Variants in CADM2 observed in about 807,000 individuals in gnomAD.
CADM2 encodes the protein cell adhesion molecule 2.
A neutral mutation model predicts 49.8 loss-of-function variants in CADM2; 12 were observed. The ratio of observed to expected loss-of-function variants is 0.24; its 90% CI spans 0.15 to 0.39. The LOEUF (loss-of-function observed/expected upper bound fraction) is 0.39, where lower values mean the gene tolerates loss of function less well. Ranked by LOEUF, CADM2 falls within the 10% of genes least tolerant of loss-of-function variation. The pLI, the probability that CADM2 is intolerant of heterozygous loss-of-function variation, is 1.00. For synonymous variants in CADM2, 214 were observed against 175.4 expected, an observed-to-expected ratio of 1.22 and a Z score of -1.74; for missense variants, 378 against 492.3, an observed-to-expected ratio of 0.77 and a Z score of 2.20.
intron 1 of CADM2, among the ~76,000 whole-genome samples, chr3:85,419,999 T>C (rs868594452): frequency 6.6e-6 from 1 of 152,182 alleles, no homozygotes; most frequent in African/African-American, 2.4e-5. Context: ...GGAACACAGT[T>C]TGAAAAACCA....
At chr3:85,662,191 T>C (rs1052748705) in intron 1 of CADM2, among the ~76,000 whole-genome samples, 13 of 151,592 alleles carry the variant, frequency 8.6e-5, no homozygotes, top group Admixed American at 2.0e-4. Flanking sequence ...GGTAAACAAT[T>C]ACTTTTTCTT....
At chr3:85,033,801 A>G (rs2035090745) in intron 1 of CADM2, among the ~76,000 whole-genome samples, 1 of 152,006 alleles carries the variant, frequency 6.6e-6, no homozygotes. Context: ...AAAAAGAGAA[A>G]TGGCCTAAGT....
At chr3:85,495,786 A>G (rs1019167208) in intron 1 of CADM2, among the ~76,000 whole-genome samples, 1 of 151,996 alleles carries the variant, frequency 6.6e-6, no homozygotes, top group African/African-American at 2.4e-5. Flanking sequence ...AAACAATCAG[A>G]TTCTGCAGTA....
At chr3:84,965,751 C>G (rs138852302) in intron 1 of CADM2, among the ~76,000 whole-genome samples, 310 of 152,244 alleles carry the variant, frequency 2.0e-3, no homozygotes, top group African/African-American at 7.2e-3. Flanking sequence ...GTCCTTTAAT[C>G]TCATTCTTAT....
intron 1 of CADM2, among the ~76,000 whole-genome samples, chr3:85,191,122 T>C (rs576754794): frequency 5.9e-5 from 9 of 152,168 alleles, no homozygotes; most frequent in Non-Finnish European, 8.8e-5. Context: ...GTAGGCCAGG[T>C]AGCTAATAAT....
chr3:85,003,776 C>T (rs1007578250), intron 1 of CADM2, among the ~76,000 whole-genome samples: 2 of 151,856 alleles, frequency 1.3e-5, no homozygotes, highest in Admixed American at 1.3e-4. Flanking sequence ...TAATGAAAAC[C>T]CTATTTTTAA....
At chr3:85,965,081 A>G (rs1725304513) in intron 8 of CADM2, among the ~76,000 whole-genome samples, 1 of 151,504 alleles carries the variant, frequency 6.6e-6, no homozygotes, top group African/African-American at 2.4e-5. Flanking sequence ...TAAATAACAA[A>G]CAAGAAGATT....
chr3:85,545,746 T>A (rs943037602), intron 1 of CADM2, among the ~76,000 whole-genome samples: 55 of 152,276 alleles, frequency 3.6e-4, no homozygotes, highest in African/African-American at 1.3e-3. Context: ...AGGAGCAGTA[T>A]CATAAAATCT....
At chr3:85,132,710 A>G (rs1354076633) in intron 1 of CADM2, among the ~76,000 whole-genome samples, 1 of 152,124 alleles carries the variant, frequency 6.6e-6, no homozygotes, top group Non-Finnish European at 1.5e-5. Flanking sequence ...CTAAGGAGGT[A>G]TCATTTAGAC....
chr3:85,616,519 T>G (rs774984391), intron 1 of CADM2, among the ~76,000 whole-genome samples: 1 of 152,142 alleles, frequency 6.6e-6, no homozygotes, highest in Non-Finnish European at 1.5e-5. Context: ...GATTTTTATG[T>G]ATTTAATCCT....
intron 1 of CADM2, among the ~76,000 whole-genome samples, chr3:85,024,554 T>A (rs1480532733): frequency 6.6e-6 from 1 of 152,098 alleles, no homozygotes; most frequent in Non-Finnish European, 1.5e-5. Context: ...TAAATGGATA[T>A]TATATCTTTA....
Position 85,000,191 on chromosome 3 carries a change from G to A in CADM2, c.61+40523G>A, listed in dbSNP as rs1320997684. ...TGTAGTGGTACAATCATAGCTCACT[G>A]TAACCTTGACTTAGTTGGCTTAAGC... On this transcript the variant is annotated intron_variant, in intron 1 of 9. Coordinates refer to ENST00000383699, the MANE Select transcript of CADM2 (RefSeq NM_001167675.2). Among the ~76,000 whole-genome samples, 5 of 149,062 alleles carry A rather than the reference G, an allele frequency of 3.4e-5. No homozygotes were observed. The East Asian group carries it at 9.9e-4, about 30-fold the overall frequency.
At chr3:85,764,316 A>C (rs2069546890) in intron 2 of CADM2, among the ~76,000 whole-genome samples, 1 of 152,160 alleles carries the variant, frequency 6.6e-6, no homozygotes, top group African/African-American at 2.4e-5. Context: ...TGACTGAATT[A>C]TTCTGGCAAT....
chr3:85,661,115 G>T (rs1463424318), intron 1 of CADM2, among the ~76,000 whole-genome samples: 1 of 151,994 alleles, frequency 6.6e-6, no homozygotes, highest in Non-Finnish European at 1.5e-5. Flanking sequence ...CTCCCCTTAG[G>T]GATTGTCAAT....
intron 1 of CADM2, among the ~76,000 whole-genome samples, chr3:85,311,364 TTTATTATTA>T (rs199621915): frequency 1.1e-4 from 17 of 148,184 alleles, no homozygotes; most frequent in Admixed American, 1.0e-3. Context: ...TTTATTTATA[TTTATTATTA>T]TTATTATTAT....
intron 1 of CADM2, among the ~76,000 whole-genome samples, chr3:85,094,245 A>G (rs1373328566): frequency 1.3e-5 from 2 of 152,158 alleles, no homozygotes; most frequent in Admixed American, 6.6e-5. Flanking sequence ...CTAGGAATTT[A>G]TGCTATCATC....
chr3:85,261,141 T>C (rs1158856267), intron 1 of CADM2, among the ~76,000 whole-genome samples: 3 of 152,120 alleles, frequency 2.0e-5, no homozygotes, highest in African/African-American at 7.2e-5. Context: ...TTTCTATTTA[T>C]TTATTTATTT....
chr3:84,984,032 G>GAT (rs375979660), intron 1 of CADM2, among the ~76,000 whole-genome samples: 16,903 of 144,204 alleles, frequency 0.12, 1,328 homozygotes, highest in African/African-American at 0.23. Flanking sequence ...TCTTCATTGT[G>GAT]ATATATATAT....
chr3:85,448,570 G>A (rs1362429749), intron 1 of CADM2, among the ~76,000 whole-genome samples: 3 of 151,978 alleles, frequency 2.0e-5, no homozygotes, highest in Non-Finnish European at 4.4e-5. Flanking sequence ...CTTTAAAGTA[G>A]GGTCAGTGTA....
Sources: allele counts gnomAD v4.1 joint callset (sites outside exome capture counted in the v4.1 genomes callset), GRCh38; gene constraint gnomAD v4.1.1; transcripts MANE v1.5; gene names NCBI Gene and HGNC (gene_info 2026-07-23, HGNC 2026-07-21).